ANO10: variants seen among roughly 807,000 people sequenced by gnomAD.
ANO10 encodes the protein anoctamin-10.
A neutral mutation model predicts 74.7 loss-of-function variants in ANO10; 77 were observed. The ratio of observed to expected loss-of-function variants is 1.03; its 90% confidence interval spans 0.86 to 1.25. The LOEUF is 1.25. ANO10 is among the 50% of genes most tolerant of loss of function. The probability of loss-of-function intolerance (pLI) is 0.00; values close to 1 mark genes in which losing one functional copy is unlikely to be tolerated. For missense variants in ANO10, 721 were observed against 778.1 expected (o/e 0.93, Z 0.87); for synonymous variants, 279 against 284.9 (o/e 0.98, Z 0.21).
intron 11 of ANO10, among the ~76,000 whole-genome samples, chr3:43,530,180 A>G (rs1295889888): frequency 6.6e-6 from 1 of 152,100 alleles, no homozygotes; most frequent in Non-Finnish European, 1.5e-5. Context: ...CTCAAAGATC[A>G]CAATTAAAAA....
At chr3:43,585,548 G>A (rs1575485933) in intron 4 of ANO10, among the ~76,000 whole-genome samples, 1 of 152,118 alleles carries the variant, frequency 6.6e-6, no homozygotes, top group South Asian at 2.1e-4. Flanking sequence ...AAAAACTGCT[G>A]CTCCATTATC....
rs534586841 is a variant in ANO10 at position 43,669,607 on chromosome 3, TAA to T, written c.-12+21908_-12+21909del. On this transcript the variant is annotated intron_variant, in intron 1 of 3. Coordinates refer to the ANO10 transcript ENST00000413397. ...TGTGAATTCACTTCTCTGATGGAGC[TAA>T]AAAGAGTTGATTTTTCAGATTATTC... 4.9e-4 allele frequency among the ~76,000 whole-genome samples: 75 copies of T among 152,326 alleles called. 1 individual carries two copies. The South Asian group carries it at 0.015, about 31-fold the overall frequency.
chr3:43,436,486 G>T (rs149028065), intron 11 of ANO10, among the ~76,000 whole-genome samples: 77 of 152,202 alleles, frequency 5.1e-4, no homozygotes, highest in African/African-American at 1.6e-3. Flanking sequence ...AGTGAAGGTG[G>T]GGGGAGGGTA....
rs574004648 is a variant in ANO10, at chr3:43,576,139, G to T, written c.1162+553C>A. Among the ~76,000 whole-genome samples, 6 of 152,268 alleles carry T rather than the reference G, an allele frequency of 3.9e-5. No homozygotes were observed. The South Asian group carries it at 1.2e-3, about 32-fold the overall frequency. ...TCAATGAACTCAACAGCAGTCCTCA[G>T]TGCCTCACACCAACTAGACACTCCA... On this transcript the variant is annotated intron_variant, in intron 6 of 12. Transcript: ENST00000292246.
At chr3:43,529,796 T>C (rs1347050296) in intron 11 of ANO10, among the ~76,000 whole-genome samples, 3 of 152,064 alleles carry the variant, frequency 2.0e-5, no homozygotes, top group Non-Finnish European at 2.9e-5. Flanking sequence ...TATTATAGAA[T>C]ATAAAACTAT....
At chr3:43,406,966 T>G (rs1189993050) in intron 12 of ANO10, among the ~76,000 whole-genome samples, 1 of 151,752 alleles carries the variant, frequency 6.6e-6, no homozygotes, top group Non-Finnish European at 1.5e-5. Context: ...TGCAGTGGCA[T>G]GATCTTGGCT....
At chr3:43,376,842 G>A (rs946523592) in intron 12 of ANO10, among the ~76,000 whole-genome samples, 3 of 152,132 alleles carry the variant, frequency 2.0e-5, no homozygotes, top group South Asian at 2.1e-4. Context: ...ACAGAAATGC[G>A]AAGAGGAGAT....
At chr3:43,680,320 G>A (rs1305689581) in intron 1 of ANO10, among the ~76,000 whole-genome samples, 1 of 152,148 alleles carries the variant, frequency 6.6e-6, no homozygotes, top group Non-Finnish European at 1.5e-5. Context: ...TTGATCAACT[G>A]GAAGAAAGGG....
At chr3:43,671,337 C>G (rs1238724204) in intron 1 of ANO10, among the ~76,000 whole-genome samples, 2 of 152,104 alleles carry the variant, frequency 1.3e-5, no homozygotes, top group Non-Finnish European at 2.9e-5. Context: ...TAATCCCAGT[C>G]AAAGCTGATA....
chr3:43,637,672 A>T (rs1433523348), intron 1 of ANO10: 1 of 151,476 alleles, frequency 6.6e-6, no homozygotes, highest in Non-Finnish European at 1.5e-5. Flanking sequence ...GCTTCACAGC[A>T]CTTTGTGTAC....
intron 11 of ANO10, among the ~76,000 whole-genome samples, chr3:43,438,855 A>G (rs1184335859): frequency 6.6e-6 from 1 of 152,188 alleles, no homozygotes; most frequent in Non-Finnish European, 1.5e-5. Flanking sequence ...GAGTCACAGG[A>G]GCAAAAACAA....
chr3:43,679,279 C>T (rs2084162982), intron 1 of ANO10, among the ~76,000 whole-genome samples: 1 of 152,230 alleles, frequency 6.6e-6, no homozygotes, highest in Admixed American at 6.5e-5. Flanking sequence ...GCAAACGGCA[C>T]ACCAGGAGAT....
chr3:43,470,039 T>C (rs2075787915), intron 11 of ANO10, among the ~76,000 whole-genome samples: 1 of 152,260 alleles, frequency 6.6e-6, no homozygotes, highest in South Asian at 2.1e-4. Flanking sequence ...CATTCTACTT[T>C]ATAACAGTTT....
intron 11 of ANO10, among the ~76,000 whole-genome samples, chr3:43,529,398 C>T (rs1303200283): frequency 6.6e-6 from 1 of 152,204 alleles, no homozygotes. Flanking sequence ...TCATGGCCCA[C>T]AGCATCTATA....
At chr3:43,673,046 C>G (rs2149578221) in intron 1 of ANO10, among the ~76,000 whole-genome samples, 1 of 152,326 alleles carries the variant, frequency 6.6e-6, no homozygotes, top group Non-Finnish European at 1.5e-5. Flanking sequence ...TTTTCACTAA[C>G]TGCTCATTCA....
chr3:43,375,745 C>T (rs1452367842), intron 12 of ANO10, among the ~76,000 whole-genome samples: 1 of 152,138 alleles, frequency 6.6e-6, no homozygotes, highest in Non-Finnish European at 1.5e-5. Flanking sequence ...TCAGAGAGAG[C>T]AACAGGACAG....
intron 1 of ANO10, among the ~76,000 whole-genome samples, chr3:43,630,804 T>G (rs2083538084): frequency 1.3e-5 from 2 of 152,250 alleles, no homozygotes; most frequent in South Asian, 4.1e-4. Flanking sequence ...GTTCCTGCTC[T>G]TCACATCTCT....
At chr3:43,562,588 C>T (rs1006740045) in intron 8 of ANO10, among the ~76,000 whole-genome samples, 1 of 148,978 alleles carries the variant, frequency 6.7e-6, no homozygotes, top group Non-Finnish European at 1.5e-5. Flanking sequence ...GGCTGAGGTA[C>T]AAGAAACGCT....
intron 8 of ANO10, among the ~76,000 whole-genome samples, chr3:43,562,702 T>C (rs2080107369): frequency 6.6e-6 from 1 of 151,152 alleles, no homozygotes; most frequent in South Asian, 2.1e-4. Flanking sequence ...GAAGAATGTA[T>C]ATTGGAGAAA....
Sources: allele counts gnomAD v4.1 joint callset (sites outside exome capture counted in the v4.1 genomes callset), GRCh38; gene constraint gnomAD v4.1.1; transcripts MANE v1.5; gene names NCBI Gene and HGNC (gene_info 2026-07-23, HGNC 2026-07-21).